The following GLT8D1 variants were observed in gnomAD, a reference collection of about 807,000 sequenced individuals.
GLT8D1 encodes glycosyltransferase 8 domain-containing protein 1.
A neutral mutation model predicts 46.2 loss-of-function variants in GLT8D1; 41 were observed. The observed-to-expected ratio is 0.89, with a 90% confidence interval of 0.69 to 1.15. The LOEUF (loss-of-function observed/expected upper bound fraction) is 1.15. Ranked by LOEUF, GLT8D1 falls within the 50% of genes most tolerant of loss-of-function variation. GLT8D1 has a pLI of 0.00. For missense variants in GLT8D1, 408 were observed against 449.3 expected (o/e 0.91, Z 0.83); for synonymous variants, 150 against 154.2 (o/e 0.97, Z 0.20).
chr3:52,702,720 T>A (rs867281427), intron 1 of GLT8D1, among the ~76,000 whole-genome samples: 59 of 151,520 alleles, frequency 3.9e-4, no homozygotes, highest in African/African-American at 6.5e-4. Flanking sequence ...CTAAAAAAAA[T>A]TTTTTTTAAA....
chr3:52,698,253 A>G (rs1376056944), intron 3 of GLT8D1, among the ~76,000 whole-genome samples: 4 of 152,250 alleles, frequency 2.6e-5, no homozygotes, highest in Non-Finnish European at 4.4e-5. Flanking sequence ...AAAAGAAAGA[A>G]TTTTATTTAA....
intron 4 of GLT8D1, among the ~76,000 whole-genome samples, chr3:52,696,896 A>G (rs1349780627): frequency 6.6e-6 from 1 of 152,274 alleles, no homozygotes; most frequent in Non-Finnish European, 1.5e-5. Flanking sequence ...TAGAATTAAG[A>G]ACATTTCATC....
rs976944304 is a variant in GLT8D1, at chr3:52,696,393, GC to G, written c.448-76del. On this transcript the variant is annotated intron_variant, in intron 5 of 9. Coordinates refer to ENST00000266014, the MANE Select transcript of GLT8D1 (RefSeq NM_018446.4). ...TTATTTACACAGAAACTCCTAGGAT[GC>G]TTTCAGTACCCATTCAGGAGAAGAA... 1.6e-4 allele frequency: 176 copies of G among 1,131,414 alleles called. No individual in the cohort carries two copies. The African/African-American group carries it at 2.1e-3, about 14-fold the overall frequency. The allele number at this position is 1,131,414 out of a possible 1,614,324, so 70.1% of individuals were successfully genotyped here. A position where few individuals can be genotyped will look rare whatever the true frequency, so the allele number is the denominator to read the frequency against.
intron 1 of GLT8D1, among the ~76,000 whole-genome samples, chr3:52,702,535 C>T (rs1390345326): frequency 6.6e-6 from 1 of 151,904 alleles, no homozygotes; most frequent in Non-Finnish European, 1.5e-5. Context: ...GACAAAGCGA[C>T]ACCCTGTCTC....
intron 7 of GLT8D1, 86 bp downstream of exon 7, chr3:52,695,842 A>G: frequency 1.3e-6 from 1 of 786,130 alleles, no homozygotes; most frequent in South Asian, 1.6e-5. Context: ...GGGGAGTGTA[A>G]ATTGCAGCAA....
rs968317996 is a variant in GLT8D1, at chr3:52,694,791, A to G, written c.*54T>C. On this transcript the variant is annotated 3_prime_UTR_variant, in exon 10 of 10. Transcript: ENST00000266014. ...GCCTAGCAACTGTTACTTCCCACGC[A>G]TGCTATCTTCCAGGACTTCCTGAGA... The G allele has an allele frequency of 1.2e-5, 15 of 1,242,334 alleles. No individual in the cohort carries two copies. The highest frequency in any genetic ancestry group is 2.4e-5 in the South Asian group (2 of 83,434). The allele number at this position is 1,242,334 out of a possible 1,614,324, so 77.0% of individuals were successfully genotyped here.
In GLT8D1 at chr3:52,694,771, G is replaced by T; in HGVS notation, c.*74C>A. On this transcript the variant is annotated 3_prime_UTR_variant, in exon 10 of 10. Coordinates refer to ENST00000266014, the MANE Select transcript of GLT8D1 (RefSeq NM_018446.4). Reference sequence around the variant, plus strand: ...TGCTACCGATAGGCATTGAAGCCTAGCAACTGTTACTTCCCACGCATGCTA... The same window carrying T: ...TGCTACCGATAGGCATTGAAGCCTATCAACTGTTACTTCCCACGCATGCTA... 9.7e-7 allele frequency: 1 copy of T among 1,032,496 alleles called. No individual in the cohort carries two copies. 64.0% of individuals were successfully genotyped at this position (1,032,496 alleles called of 1,614,324 possible).
intron 5 of GLT8D1, 59 bp downstream of exon 5, chr3:52,696,475 ACAGATACC>A (rs2097333726): frequency 1.9e-6 from 2 of 1,037,798 alleles, no homozygotes; most frequent in Non-Finnish European, 3.0e-6. Flanking sequence ...CACTATACCC[ACAGATACC>A]CAGGTATTCC....
At chr3:52,696,480 T>C (rs910810184) in intron 5 of GLT8D1, 62 bp downstream of exon 5, 2 of 1,044,466 alleles carry the variant, frequency 1.9e-6, no homozygotes, top group Middle Eastern at 4.1e-4. Flanking sequence ...TACCCACAGA[T>C]ACCCAGGTAT....
intron 7 of GLT8D1, 102 bp downstream of exon 7, chr3:52,695,826 A>ATGAT (rs1279889229): frequency 4.2e-6 from 3 of 710,516 alleles, no homozygotes; most frequent in Admixed American, 2.6e-5. Flanking sequence ...TTGGGATGAA[A>ATGAT]TGATTGGGGA....
chr3:52,701,155 A>G (rs1012307373), intron 1 of GLT8D1: 2 of 152,194 alleles, frequency 1.3e-5, no homozygotes, highest in Non-Finnish European at 2.9e-5. Flanking sequence ...AAGTAACCTG[A>G]GGTCTTAGCC....
chr3:52,695,593 AAC>A lies in GLT8D1; in HGVS notation c.646-8_646-7del, dbSNP rs2097332416. ...AGATAGCCAATGTAATTGTACTAAA[AAC>A]ACAAATAGGATATATGTACTTACTG... On this transcript the variant is annotated splice_polypyrimidine_tract_variant and splice_region_variant and intron_variant, in intron 7 of 9. Coordinates refer to ENST00000266014, the MANE Select transcript of GLT8D1 (RefSeq NM_018446.4). 2 of 1,547,654 alleles carry A rather than the reference AAC, an allele frequency of 1.3e-6. No individual in the cohort carries two copies. Among genetic ancestry groups the A allele is most frequent in the African/African-American group, 2.7e-5 (2 of 73,622 alleles).
intron 1 of GLT8D1, 119 bp from the exon 2 acceptor site, chr3:52,700,615 C>T (rs569529695): frequency 6.9e-5 from 34 of 494,622 alleles, no homozygotes; most frequent in Non-Finnish European, 1.0e-4. Context: ...TACAGTATTC[C>T]GCCAGAAACT....
Position 52,700,342 on chromosome 3 carries a change from A to ATG in GLT8D1, c.34_35insCA (p.Val12AlafsTer19). On this transcript the variant is annotated frameshift_variant, in exon 3 of 10. Coordinates refer to ENST00000266014, the MANE Select transcript of GLT8D1 (RefSeq NM_018446.4). LOFTEE classifies it high-confidence loss of function. ...CAGTAAGAAGAGAGCAACAGCCAGG[A>ATG]CCAAGATGATGATGTTTACTGAAAT... 6.2e-7 allele frequency: 1 copy of ATG among 1,613,426 alleles called. No homozygotes were observed. Among genetic ancestry groups the ATG allele is most frequent in the African/African-American group, 1.3e-5 (1 of 75,034 alleles).
chr3:52,700,202 A>AC, intron 3 of GLT8D1, 60 bp downstream of exon 3: 2 of 1,016,018 alleles, frequency 2.0e-6, no homozygotes, highest in Non-Finnish European at 1.5e-6. Context: ...AGGATGTGTG[A>AC]CACAGAGAAT....
At chr3:52,702,477 T>C (rs1266519466) in intron 1 of GLT8D1, among the ~76,000 whole-genome samples, 1 of 151,902 alleles carries the variant, frequency 6.6e-6, no homozygotes, top group Non-Finnish European at 1.5e-5. Context: ...GCCAGGGAGG[T>C]CAAGGCTGCA....
chr3:52,701,522 C>T (rs1430837394), intron 1 of GLT8D1, among the ~76,000 whole-genome samples: 1 of 152,144 alleles, frequency 6.6e-6, no homozygotes, highest in Non-Finnish European at 1.5e-5. Context: ...GTGTGCGCCA[C>T]CACGCCCAGC....
rs780531701 is a variant in GLT8D1, at chr3:52,696,315, T to G, written c.451A>C (p.Thr151Pro). Residue 151 changes from threonine (T) to proline (P), a missense_variant, in exon 6 of 10, where the codon ACC becomes CCC. Physicochemically the swap from Thr to Pro is conservative, Grantham distance 38 (BLOSUM62 -1). Coordinates refer to ENST00000266014, the MANE Select transcript of GLT8D1 (RefSeq NM_018446.4). ...ATTGGCAAGTAGAACCTTGCAAAGG[T>G]TAACTGGAAAAGGAAAGAATAATTG... is the stretch of plus-strand genomic sequence containing the variant. ...PDQGESMKPL[T>P]FARFYLPILV... 2 of 1,604,284 alleles carry G rather than the reference T, an allele frequency of 1.2e-6. No individual in the cohort carries two copies. The highest frequency in any genetic ancestry group is 2.2e-5 in the South Asian group (2 of 90,878).
chr3:52,699,564 T>A (rs906436126), intron 3 of GLT8D1, among the ~76,000 whole-genome samples: 5 of 152,226 alleles, frequency 3.3e-5, no homozygotes, highest in African/African-American at 1.2e-4. Flanking sequence ...ATGGTCTCGA[T>A]CTCTGACCTT....
Sources: gnomAD v4.1 joint callset for allele counts (sites outside exome capture counted in the v4.1 genomes callset) on GRCh38, gnomAD v4.1.1 for gene constraint, MANE v1.5 for transcripts, NCBI Gene and HGNC (gene_info 2026-07-23, HGNC 2026-07-21) for gene names.